The following PID1 variants were observed in gnomAD, a reference collection of about 807,000 sequenced individuals.
The protein encoded by PID1 is phosphotyrosine interaction domain containing 1.
A neutral mutation model predicts 19.1 loss-of-function variants in PID1; 10 were observed. The observed-to-expected ratio is 0.52, with a 90% confidence interval of 0.32 to 0.89. PID1 has a LOEUF of 0.89. Ranked by LOEUF, PID1 falls within the 40% of genes least tolerant of loss-of-function variation. The pLI, the probability that PID1 is intolerant of heterozygous loss-of-function variation, is 0.03. For synonymous variants in PID1, 130 were observed against 116.0 expected (o/e 1.12, Z -0.78); for missense variants, 248 against 285.3 (o/e 0.87, Z 0.94).
Position 229,200,734 on chromosome 2 carries a change from G to A in PID1, c.31-44770C>T, listed in dbSNP as rs572927986. On this transcript the variant is annotated intron_variant, in intron 1 of 2. Coordinates refer to ENST00000392055, the MANE Select transcript of PID1 (RefSeq NM_001100818.2). ...AGAATGACATGATTTTCACAGAAAC[G>A]TTTAATAATCTCTTCAATTCCTTCC... 3.6e-4 allele frequency among the ~76,000 whole-genome samples: 55 copies of A among 152,090 alleles called. No individual in the cohort carries two copies. In the South Asian group the frequency reaches 0.011, roughly 31 times the overall value.
chr2:229,051,578 T>C (rs1024880338), intron 2 of PID1, among the ~76,000 whole-genome samples: 1 of 152,174 alleles, frequency 6.6e-6, no homozygotes, highest in African/African-American at 2.4e-5. Flanking sequence ...GCCCAAGCGA[T>C]CTGCTTGCCT....
At chr2:229,048,236 GA>G (rs1693922038) in intron 2 of PID1, among the ~76,000 whole-genome samples, 1 of 151,966 alleles carries the variant, frequency 6.6e-6, no homozygotes, top group Non-Finnish European at 1.5e-5. Context: ...CCTAACTCAG[GA>G]ACCCCCTTTA....
chr2:229,196,080 CTAAAAG>C (rs1353257251), intron 1 of PID1, among the ~76,000 whole-genome samples: 3 of 151,970 alleles, frequency 2.0e-5, no homozygotes, highest in African/African-American at 2.4e-5. Context: ...GTATACAACA[CTAAAAG>C]TAAAAGTCAA....
chr2:229,118,923 C>T (rs1695464338), intron 2 of PID1, among the ~76,000 whole-genome samples: 1 of 152,168 alleles, frequency 6.6e-6, no homozygotes, highest in Admixed American at 6.5e-5. Context: ...AGTCTGAACT[C>T]AGGTCTTTAG....
chr2:229,222,864 A>AACACACACACACAC (rs72386398), intron 1 of PID1, among the ~76,000 whole-genome samples: 69 of 103,968 alleles, frequency 6.6e-4, no homozygotes, highest in African/African-American at 2.9e-3. Flanking sequence ...TTCACACACA[A>AACACACACACACAC]ACACACACAC....
chr2:229,188,739 CAAAA>C (rs11313891), intron 1 of PID1, among the ~76,000 whole-genome samples: 5 of 127,458 alleles, frequency 3.9e-5, no homozygotes, highest in Admixed American at 7.9e-5. Flanking sequence ...AACTCCACCT[CAAAA>C]AAAAAAAAAA....
chr2:229,088,667 A>G (rs1173328365), intron 2 of PID1, among the ~76,000 whole-genome samples: 1 of 152,142 alleles, frequency 6.6e-6, no homozygotes. Context: ...CAGCAATTTG[A>G]TCATAGTTTC....
intron 2 of PID1, among the ~76,000 whole-genome samples, chr2:229,042,548 C>T (rs955675398): frequency 2.0e-5 from 3 of 152,140 alleles, no homozygotes; most frequent in Non-Finnish European, 4.4e-5. Flanking sequence ...CTCTGACCGT[C>T]CTGGAGCACA....
intron 1 of PID1, among the ~76,000 whole-genome samples, chr2:229,199,907 C>T (rs1691459954): frequency 6.6e-6 from 1 of 151,726 alleles, no homozygotes; most frequent in African/African-American, 2.4e-5. Context: ...AATCAAATAA[C>T]AAAAAGTTTC....
At chr2:229,069,695 G>T (rs1694413032) in intron 2 of PID1, among the ~76,000 whole-genome samples, 1 of 152,150 alleles carries the variant, frequency 6.6e-6, no homozygotes, top group Admixed American at 6.6e-5. Flanking sequence ...TTGTATTCTT[G>T]GGCGTCAATA....
At chr2:229,055,871 C>T (rs959129972) in intron 2 of PID1, among the ~76,000 whole-genome samples, 3 of 152,188 alleles carry the variant, frequency 2.0e-5, no homozygotes, top group African/African-American at 7.2e-5. Flanking sequence ...GGGCATTATA[C>T]TCAATTCTAA....
intron 1 of PID1, among the ~76,000 whole-genome samples, chr2:229,224,832 TAAA>T (rs3084669): frequency 0.78 from 115,827 of 148,406 alleles, 45,293 homozygotes; most frequent in East Asian, 0.87. Context: ...GGATTCAGAA[TAAA>T]AAAAAAAAAA....
At chr2:229,263,130 G>A (rs138297840) in intron 1 of PID1, among the ~76,000 whole-genome samples, 1 of 152,310 alleles carries the variant, frequency 6.6e-6, no homozygotes, top group East Asian at 1.9e-4. Flanking sequence ...TGTTGGTTAG[G>A]AATGTCAAAG....
chr2:229,136,854 A>G (rs1447923343), intron 2 of PID1, among the ~76,000 whole-genome samples: 4 of 152,198 alleles, frequency 2.6e-5, no homozygotes, highest in Admixed American at 2.0e-4. Context: ...GATGGAGAAC[A>G]CTAAGTAGCA....
chr2:229,053,403 T>C (rs1304098151), intron 2 of PID1, among the ~76,000 whole-genome samples: 3 of 152,234 alleles, frequency 2.0e-5, no homozygotes. Flanking sequence ...GCACTTAAAA[T>C]AAGCCAGAAC....
At chr2:229,203,471 G>A (rs565861350) in intron 1 of PID1, among the ~76,000 whole-genome samples, 1 of 151,662 alleles carries the variant, frequency 6.6e-6, no homozygotes, top group African/African-American at 2.4e-5. Flanking sequence ...GAAAAAAAAT[G>A]GTTTTACTAT....
At chr2:229,135,706 G>A (rs1689845400) in intron 2 of PID1, among the ~76,000 whole-genome samples, 1 of 152,202 alleles carries the variant, frequency 6.6e-6, no homozygotes, top group African/African-American at 2.4e-5. Context: ...TGGATGGGGA[G>A]TGATGCACGG....
In PID1 at chr2:229,146,897, G is replaced by T. The variant is rs1455691637; in HGVS notation, c.177+8921C>A. Among the ~76,000 whole-genome samples, 4 of 152,240 alleles carry T rather than the reference G, an allele frequency of 2.6e-5. No individual in the cohort carries two copies. In the East Asian group the frequency reaches 7.7e-4, roughly 29 times the overall value. The stretch of plus-strand genomic sequence containing the variant: ...GCCTGCAGCCTACTAAAATGCAGGG[G>T]GCAAAGAATGGATTGTCCCCCTAGA... On this transcript the variant is annotated intron_variant, in intron 2 of 2. Coordinates refer to ENST00000392055, the MANE Select transcript of PID1 (RefSeq NM_001100818.2).
intron 2 of PID1, among the ~76,000 whole-genome samples, chr2:229,049,007 A>G (rs1027525590): frequency 1.3e-5 from 2 of 152,188 alleles, no homozygotes; most frequent in African/African-American, 2.4e-5. Context: ...AATGCAAAAG[A>G]AGAGAGGAGA....
Sources: gnomAD v4.1 joint callset for allele counts (sites outside exome capture counted in the v4.1 genomes callset) on GRCh38, gnomAD v4.1.1 for gene constraint, MANE v1.5 for transcripts, NCBI Gene and HGNC (gene_info 2026-07-23, HGNC 2026-07-21) for gene names.